Variants in QTMAN observed in about 807,000 individuals in gnomAD.
QTMAN encodes the protein tRNA-queuosine alpha-mannosyltransferase.
At chr2:144,312,908 CTG>C in the QTMAN span, among the ~76,000 whole-genome samples, 1 of 152,234 alleles carries the variant, frequency 6.6e-6, no homozygotes, top group African/African-American at 2.4e-5. Flanking sequence ...CCATGCAGAA[CTG>C]TGAGTCAATT....
chr2:144,007,081 T>C, the QTMAN span: 2 of 726,260 alleles, frequency 2.8e-6, no homozygotes, highest in Non-Finnish European at 2.2e-6. Context: ...AATAATCTTT[T>C]TCTAAAGCAA....
chr2:144,129,477 C>G, the QTMAN span, among the ~76,000 whole-genome samples: 2 of 151,832 alleles, frequency 1.3e-5, no homozygotes, highest in African/African-American at 2.4e-5. Context: ...AGTGTGTGAC[C>G]AAGGAAGAAA....
At chr2:143,951,141 A>G in the QTMAN span, 1 of 152,162 alleles carries the variant, frequency 6.6e-6, no homozygotes, top group Non-Finnish European at 1.5e-5. Context: ...TAACATAGGA[A>G]AATTAAAATA....
the QTMAN span, among the ~76,000 whole-genome samples, chr2:143,975,454 C>T: frequency 6.6e-6 from 1 of 152,182 alleles, no homozygotes; most frequent in Admixed American, 6.5e-5. Context: ...GGCCTGAGGG[C>T]TCCATCAGGA....
At chr2:143,978,327 C>T in the QTMAN span, among the ~76,000 whole-genome samples, 2 of 152,222 alleles carry the variant, frequency 1.3e-5, no homozygotes, top group Admixed American at 6.5e-5. Context: ...AATCTTCCCA[C>T]TCATTCCATC....
the QTMAN span, chr2:144,208,784 G>A: frequency 6.3e-7 from 1 of 1,591,546 alleles, no homozygotes; most frequent in East Asian, 2.3e-5. Flanking sequence ...ATACTCATTG[G>A]CCCATTCAAA....
chr2:144,208,584 C>A, the QTMAN span: 2 of 1,598,362 alleles, frequency 1.3e-6, no homozygotes, highest in Non-Finnish European at 1.7e-6. Context: ...GCTGAAAATG[C>A]ATCCTGAGCT....
At chr2:144,004,166 C>A in the QTMAN span, among the ~76,000 whole-genome samples, 1 of 151,840 alleles carries the variant, frequency 6.6e-6, no homozygotes, top group African/African-American at 2.4e-5. Context: ...GTAAAGAAAA[C>A]CCCCCTTTTC....
the QTMAN span, among the ~76,000 whole-genome samples, chr2:144,160,300 C>T: frequency 1.5e-4 from 23 of 152,066 alleles, no homozygotes; most frequent in Non-Finnish European, 2.9e-4. Context: ...GCATTTCCTA[C>T]AAAAATGTTG....
the QTMAN span, among the ~76,000 whole-genome samples, chr2:144,290,396 C>T: frequency 6.6e-6 from 1 of 152,210 alleles, no homozygotes; most frequent in Admixed American, 6.5e-5. Context: ...ATCGAAACTT[C>T]TATCAGCTCT....
the QTMAN span, among the ~76,000 whole-genome samples, chr2:144,213,948 C>T: frequency 1.3e-5 from 2 of 152,102 alleles, no homozygotes; most frequent in African/African-American, 4.8e-5. Context: ...AAGCAACCAA[C>T]AACCCAGCAG....
the QTMAN span, among the ~76,000 whole-genome samples, chr2:144,298,573 T>G: frequency 6.6e-6 from 1 of 152,172 alleles, no homozygotes; most frequent in Non-Finnish European, 1.5e-5. Context: ...ACATTAAATC[T>G]ATGTTCTTCA....
the QTMAN span, chr2:143,942,162 C>T: frequency 1.8e-5 from 3 of 167,108 alleles, no homozygotes; most frequent in African/African-American, 7.2e-5. Context: ...CCAAGAATCA[C>T]CAATTCCTTC....
the QTMAN span, among the ~76,000 whole-genome samples, chr2:144,093,424 ATCTTGGGAATTGGTGT>A: frequency 6.6e-6 from 1 of 152,204 alleles, no homozygotes; most frequent in Non-Finnish European, 1.5e-5. Flanking sequence ...GCAATCAATC[ATCTTGGGAATTGGTGT>A]TCTTATTGTT....
chr2:144,265,556 G>C, the QTMAN span, among the ~76,000 whole-genome samples: 1 of 152,006 alleles, frequency 6.6e-6, no homozygotes, highest in Non-Finnish European at 1.5e-5. Flanking sequence ...AATTAGCCGG[G>C]GGTGGTGGCA....
chr2:143,960,647 C>T, the QTMAN span, among the ~76,000 whole-genome samples: 82 of 151,870 alleles, frequency 5.4e-4, no homozygotes, highest in African/African-American at 1.7e-3. Context: ...AGGTGAAGAA[C>T]GAGTGAGAGG....
At chr2:144,307,188 T>TAAAAAAAAAAAAAAAAAAAAAAAA in the QTMAN span, among the ~76,000 whole-genome samples, 1 of 81,270 alleles carries the variant, frequency 1.2e-5, no homozygotes, top group Non-Finnish European at 2.6e-5. Context: ...AAAAAACAAT[T>TAAAAAAAAAAAAAAAAAAAAAAAA]AAAAAAAAAA....
chr2:144,171,454 A>T, the QTMAN span, among the ~76,000 whole-genome samples: 2 of 152,202 alleles, frequency 1.3e-5, no homozygotes, highest in Admixed American at 6.5e-5. Flanking sequence ...ATCTACAAAA[A>T]TTTTTTAACT....
the QTMAN span, among the ~76,000 whole-genome samples, chr2:143,958,597 C>G: frequency 2.0e-5 from 3 of 151,872 alleles, no homozygotes; most frequent in Non-Finnish European, 4.4e-5. Flanking sequence ...GATAAATTCC[C>G]CCCTTAAATA....
Sources: gnomAD v4.1 joint callset for allele counts (sites outside exome capture counted in the v4.1 genomes callset) on GRCh38, gnomAD v4.1.1 for gene constraint, MANE v1.5 for transcripts, NCBI Gene and HGNC (gene_info 2026-07-23, HGNC 2026-07-21) for gene names.